CCDC191: variants seen among roughly 807,000 people sequenced by gnomAD.
The protein encoded by CCDC191 is coiled-coil domain-containing protein 191.
A neutral mutation model predicts 114.0 loss-of-function variants in CCDC191; 99 were observed. The observed-to-expected ratio is 0.87, with a 90% CI of 0.74 to 1.03. The LOEUF (loss-of-function observed/expected upper bound fraction) is 1.03. Among genes scored for constraint, CCDC191 ranks in the 50% least tolerant of loss-of-function variants. CCDC191 has a pLI of 0.00. For synonymous variants in CCDC191, 351 were observed against 376.0 expected (o/e 0.93, Z 0.77); for missense variants, 973 against 1,087.0 (o/e 0.90, Z 1.47).
At chr3:113,996,045 T>C (rs898962710) in intron 13 of CCDC191, among the ~76,000 whole-genome samples, 1 of 152,198 alleles carries the variant, frequency 6.6e-6, no homozygotes, top group Admixed American at 6.5e-5. Flanking sequence ...GATGGATAGA[T>C]TGCAAAAATT....
intron 7 of CCDC191, among the ~76,000 whole-genome samples, chr3:114,030,160 T>A (rs2076384076): frequency 6.6e-6 from 1 of 152,204 alleles, no homozygotes; most frequent in Non-Finnish European, 1.5e-5. Context: ...TTTGCAGCTT[T>A]TCCATGTCAA....
intron 13 of CCDC191, chr3:113,983,891 T>C (rs2075262060): frequency 6.6e-6 from 1 of 152,180 alleles, no homozygotes. Flanking sequence ...TTAATAAACA[T>C]ACAGGGGGGT....
intron 9 of CCDC191, among the ~76,000 whole-genome samples, chr3:114,010,453 G>A (rs1302299920): frequency 6.6e-6 from 1 of 152,110 alleles, no homozygotes; most frequent in Admixed American, 6.5e-5. Flanking sequence ...GAAAGGAAAT[G>A]TCTGATGATC....
chr3:114,045,035 C>T (rs1387610013), intron 3 of CCDC191, among the ~76,000 whole-genome samples: 2 of 152,158 alleles, frequency 1.3e-5, no homozygotes, highest in African/African-American at 4.8e-5. Context: ...TCACTAGTTT[C>T]TCAGGATAAT....
chr3:113,977,138 A>AAGAC (rs1278723063), intron 16 of CCDC191, among the ~76,000 whole-genome samples: 1 of 152,204 alleles, frequency 6.6e-6, no homozygotes, highest in Non-Finnish European at 1.5e-5. Flanking sequence ...TTCTACTAAA[A>AAGAC]AGACAAAAAT....
intron 3 of CCDC191, 143 bp downstream of exon 3, chr3:114,046,448 C>A: frequency 1.6e-6 from 1 of 634,426 alleles, no homozygotes; most frequent in Non-Finnish European, 2.8e-6. Context: ...GGAGTTAATT[C>A]CAGAGTAAAA....
intron 16 of CCDC191, among the ~76,000 whole-genome samples, chr3:113,977,260 G>C (rs1451893057): frequency 1.3e-5 from 2 of 152,092 alleles, no homozygotes; most frequent in African/African-American, 4.8e-5. Context: ...CTGCACTTCA[G>C]CCCGGGCAAC....
At position 114,016,556 on chromosome 3, in the gene CCDC191, T is replaced by G. The variant is rs1257064962; in HGVS notation, c.1163+2122A>C. Among the ~76,000 whole-genome samples the G allele has an allele frequency of 3.9e-5, 6 of 152,326 alleles. No homozygotes were observed. The East Asian group carries it at 1.2e-3, about 29-fold the overall frequency. On this transcript the variant is annotated intron_variant, in intron 8 of 16. Transcript: ENST00000295878. ...TTTATAGTAAAAAATTATTGTAAGT[T>G]AAATGTTTTCTAACTCTGGCAGTTA...
intron 13 of CCDC191, among the ~76,000 whole-genome samples, chr3:113,987,139 A>G (rs1381669118): frequency 2.6e-5 from 4 of 152,024 alleles, no homozygotes; most frequent in African/African-American, 9.7e-5. Context: ...GAAAAAAAAA[A>G]AAAACACCTG....
intron 2 of CCDC191, among the ~76,000 whole-genome samples, chr3:114,049,524 A>G (rs1207349395): frequency 6.6e-6 from 1 of 152,226 alleles, no homozygotes; most frequent in East Asian, 1.9e-4. Context: ...AGTGAAAGAA[A>G]TAATTATGTG....
intron 7 of CCDC191, among the ~76,000 whole-genome samples, chr3:114,027,614 A>AG (rs2076341450): frequency 6.7e-6 from 1 of 148,952 alleles, no homozygotes; most frequent in East Asian, 1.9e-4. Context: ...AAAAAAAAAA[A>AG]AAAAAAAAGA....
chr3:113,998,099 A>C (rs2075769772), intron 13 of CCDC191, among the ~76,000 whole-genome samples: 1 of 151,982 alleles, frequency 6.6e-6, no homozygotes, highest in Non-Finnish European at 1.5e-5. Flanking sequence ...TGAGTTCAGG[A>C]GTTCGAGACT....
intron 3 of CCDC191, among the ~76,000 whole-genome samples, chr3:114,045,178 C>A (rs939046341): frequency 6.6e-6 from 1 of 151,960 alleles, no homozygotes; most frequent in Non-Finnish European, 1.5e-5. Context: ...TCTCTACTGG[C>A]AGGGTGGGAG....
At chr3:114,045,527 A>G (rs2076617975) in intron 3 of CCDC191, among the ~76,000 whole-genome samples, 1 of 152,118 alleles carries the variant, frequency 6.6e-6, no homozygotes, top group Non-Finnish European at 1.5e-5. Flanking sequence ...ACCCACCACC[A>G]TGCCCTGCTA....
intron 13 of CCDC191, among the ~76,000 whole-genome samples, chr3:113,996,838 A>G (rs1193208672): frequency 4.9e-5 from 6 of 122,666 alleles, no homozygotes; most frequent in African/African-American, 1.9e-4. Context: ...ACATGGACAC[A>G]GGGAGAGGAA....
intron 11 of CCDC191, chr3:114,003,350 G>C (rs955444322): frequency 7.1e-6 from 7 of 985,140 alleles, no homozygotes; most frequent in Non-Finnish European, 7.2e-6. Context: ...TTAAGTCCAA[G>C]TTTTAAGAAT....
At chr3:113,987,062 A>C (rs901302340) in intron 13 of CCDC191, among the ~76,000 whole-genome samples, 2 of 152,118 alleles carry the variant, frequency 1.3e-5, no homozygotes, top group African/African-American at 4.8e-5. Flanking sequence ...TAAGAATTAC[A>C]GTAGATGTCT....
intron 4 of CCDC191, among the ~76,000 whole-genome samples, chr3:114,041,886 G>C (rs888320297): frequency 3.3e-5 from 5 of 151,760 alleles, no homozygotes; most frequent in Admixed American, 3.3e-4. Context: ...GTGCACAGTA[G>C]TGGTTTTTCT....
chr3:113,970,327 T>C (rs1157958893), intron 16 of CCDC191, among the ~76,000 whole-genome samples: 1 of 152,084 alleles, frequency 6.6e-6, no homozygotes, highest in Non-Finnish European at 1.5e-5. Context: ...TCCTTTTCAA[T>C]TTGGATACAT....
Sources: gnomAD v4.1 joint callset for allele counts (sites outside exome capture counted in the v4.1 genomes callset) on GRCh38, gnomAD v4.1.1 for gene constraint, MANE v1.5 for transcripts, NCBI Gene and HGNC (gene_info 2026-07-23, HGNC 2026-07-21) for gene names.